The following GPC5 variants were observed in gnomAD, a reference collection of about 807,000 sequenced individuals.
GPC5 encodes the protein glypican-5.
A neutral mutation model predicts 53.9 loss-of-function variants in GPC5; 47 were observed. That is an observed-to-expected ratio of 0.87 (90% CI 0.69 to 1.11). GPC5 has a LOEUF of 1.11. Among genes scored for constraint, GPC5 ranks in the 50% most tolerant of loss-of-function variants. The pLI, the probability that GPC5 is intolerant of heterozygous loss-of-function variation, is 0.00. For missense variants in GPC5, 748 were observed against 713.1 expected (o/e 1.05, Z -0.56); for synonymous variants, 286 against 263.3 (o/e 1.09, Z -0.84).
At chr13:91,486,691 A>G (rs1381053584) in intron 2 of GPC5, 1 of 152,186 alleles carries the variant, frequency 6.6e-6, no homozygotes, top group Non-Finnish European at 1.5e-5. Context: ...ACAAACAAAA[A>G]TCCCAATATA....
At position 91,572,050 on chromosome 13, in the gene GPC5, T is replaced by TGTATATATACATGTATATACACAC. The variant is rs1271076957; in HGVS notation, c.326-121137_326-121136insGTATATATACATGTATATACACAC. Among the ~76,000 whole-genome samples, 5 of 46,478 alleles carry TGTATATATACATGTATATACACAC rather than the reference T, an allele frequency of 1.1e-4. 1 individual carries two copies. The highest frequency in any genetic ancestry group is 7.7e-4 in the South Asian group (1 of 1,302). The allele number at this position is 46,478 out of a possible 152,430, so 30.5% of individuals were successfully genotyped here. A position where few individuals can be genotyped will look rare whatever the true frequency, so the allele number is the denominator to read the frequency against. On this transcript the variant is annotated intron_variant, in intron 2 of 7. Coordinates refer to ENST00000377067, the MANE Select transcript of GPC5 (RefSeq NM_004466.6). ...GTGTATATATGTGTATATACACACA[T>TGTATATATACATGTATATACACAC]ATGTATATATACATGTATATACACA...
At chr13:92,107,548 G>T (rs759460479) in intron 6 of GPC5, among the ~76,000 whole-genome samples, 1 of 151,964 alleles carries the variant, frequency 6.6e-6, no homozygotes, top group East Asian at 1.9e-4. Flanking sequence ...GCACTTCCTT[G>T]AGTTTCTTTA....
chr13:92,703,765 A>C (rs1887846175), intron 7 of GPC5, among the ~76,000 whole-genome samples: 2 of 151,872 alleles, frequency 1.3e-5, no homozygotes, highest in East Asian at 3.9e-4. Context: ...ACAAATCTAA[A>C]ATGTAGATTT....
chr13:92,850,991 G>A (rs1325359704), intron 7 of GPC5, among the ~76,000 whole-genome samples: 1 of 152,186 alleles, frequency 6.6e-6, no homozygotes, highest in Non-Finnish European at 1.5e-5. Context: ...AGGAAGCATG[G>A]AGGCATCTAG....
intron 7 of GPC5, chr13:92,339,770 C>G (rs1566545757): frequency 6.6e-6 from 1 of 152,014 alleles, no homozygotes; most frequent in Non-Finnish European, 1.5e-5. Flanking sequence ...TCTCAAAAGG[C>G]ATTAAAGGGC....
intron 5 of GPC5, among the ~76,000 whole-genome samples, chr13:91,820,833 G>C (rs2038481808): frequency 6.6e-6 from 1 of 152,042 alleles, no homozygotes; most frequent in South Asian, 2.1e-4. Context: ...CGTGGTGGTG[G>C]GCGCCTGTAG....
At chr13:92,423,541 T>C (rs1876684560) in intron 7 of GPC5, among the ~76,000 whole-genome samples, 2 of 152,182 alleles carry the variant, frequency 1.3e-5, no homozygotes, top group South Asian at 2.1e-4. Context: ...GTTATTGTTG[T>C]TTGGAGAGTG....
intron 7 of GPC5, among the ~76,000 whole-genome samples, chr13:92,158,309 C>T (rs2041960154): frequency 6.6e-6 from 1 of 152,116 alleles, no homozygotes; most frequent in African/African-American, 2.4e-5. Context: ...TCCTATAGAG[C>T]CGTTTAGACT....
chr13:91,759,560 C>T (rs2037367035), intron 5 of GPC5, among the ~76,000 whole-genome samples: 1 of 152,052 alleles, frequency 6.6e-6, no homozygotes, highest in Non-Finnish European at 1.5e-5. Flanking sequence ...CATCCTTCTA[C>T]TCTCCATCTC....
intron 7 of GPC5, among the ~76,000 whole-genome samples, chr13:92,390,613 C>T (rs1265841116): frequency 6.6e-6 from 1 of 152,042 alleles, no homozygotes; most frequent in African/African-American, 2.4e-5. Context: ...ATTTATGATC[C>T]TAGTCGTGAT....
At chr13:91,741,292 A>G (rs1412621228) in intron 4 of GPC5, among the ~76,000 whole-genome samples, 1 of 152,196 alleles carries the variant, frequency 6.6e-6, no homozygotes, top group African/African-American at 2.4e-5. Context: ...TAATGCATTT[A>G]TTAAATCGTG....
intron 3 of GPC5, among the ~76,000 whole-genome samples, chr13:91,696,764 T>C (rs769174318): frequency 6.6e-6 from 1 of 152,234 alleles, no homozygotes; most frequent in Non-Finnish European, 1.5e-5. Flanking sequence ...TTATATTTGG[T>C]TAATGTTTAG....
intron 7 of GPC5, among the ~76,000 whole-genome samples, chr13:92,816,171 T>C (rs747745513): frequency 2.6e-5 from 4 of 152,060 alleles, no homozygotes; most frequent in Non-Finnish European, 5.9e-5. Context: ...ATACACTTTC[T>C]CAATGTGTCT....
intron 3 of GPC5, among the ~76,000 whole-genome samples, chr13:91,702,219 A>G (rs899665619): frequency 3.9e-5 from 6 of 152,170 alleles, no homozygotes; most frequent in African/African-American, 1.4e-4. Flanking sequence ...TGGCTTGCAA[A>G]TATTTTCCCT....
chr13:92,029,130 A>G (rs1341895313), intron 6 of GPC5, among the ~76,000 whole-genome samples: 3 of 152,212 alleles, frequency 2.0e-5, no homozygotes, highest in African/African-American at 7.2e-5. Context: ...CTAGCTCAGT[A>G]TCACCGTTTA....
At chr13:91,721,175 C>T (rs1486338257) in intron 3 of GPC5, among the ~76,000 whole-genome samples, 1 of 148,986 alleles carries the variant, frequency 6.7e-6, no homozygotes, top group Non-Finnish European at 1.5e-5. Context: ...ACTCTTGTTG[C>T]CCAGGCTGGA....
chr13:92,274,487 T>C (rs1445568050), intron 7 of GPC5, among the ~76,000 whole-genome samples: 2 of 152,150 alleles, frequency 1.3e-5, no homozygotes, highest in Non-Finnish European at 2.9e-5. Flanking sequence ...TTTTCCTCAT[T>C]GTTCAGGATC....
chr13:92,374,530 A>T (rs1016307850), intron 7 of GPC5, among the ~76,000 whole-genome samples: 7 of 152,122 alleles, frequency 4.6e-5, no homozygotes, highest in African/African-American at 1.4e-4. Context: ...GCCATAAAAA[A>T]TGATGAGTTC....
intron 6 of GPC5, among the ~76,000 whole-genome samples, chr13:91,968,811 G>C (rs1043465531): frequency 3.3e-5 from 5 of 152,010 alleles, no homozygotes; most frequent in African/African-American, 1.2e-4. Context: ...CTGTGCTATT[G>C]AATCTCTGGG....
Sources: gnomAD v4.1 joint callset for allele counts (sites outside exome capture counted in the v4.1 genomes callset) on GRCh38, gnomAD v4.1.1 for gene constraint, MANE v1.5 for transcripts, NCBI Gene and HGNC (gene_info 2026-07-23, HGNC 2026-07-21) for gene names.